MGMT: variants seen among roughly 807,000 people sequenced by gnomAD.
MGMT encodes methylated-DNA--protein-cysteine methyltransferase.
In MGMT, 14 loss-of-function variants were observed where a neutral mutation model predicts 15.9. The observed-to-expected ratio is 0.88, with a 90% CI of 0.58 to 1.37. The LOEUF is 1.37. Among genes scored for constraint, MGMT ranks in the 40% most tolerant of loss-of-function variants. MGMT has a pLI of 0.00. For synonymous variants in MGMT, 130 were observed against 118.2 expected, an observed-to-expected ratio of 1.10 and a Z score of -0.65; for missense variants, 282 against 268.1, an observed-to-expected ratio of 1.05 and a Z score of -0.36.
At chr10:129,476,069 C>T (rs1246963783) in intron 1 of MGMT, among the ~76,000 whole-genome samples, 1 of 152,212 alleles carries the variant, frequency 6.6e-6, no homozygotes, top group African/African-American at 2.4e-5. Context: ...TCCTCCTGGA[C>T]ATCACTGCTG....
chr10:129,690,191 A>G (rs1847953997), intron 2 of MGMT, among the ~76,000 whole-genome samples: 1 of 152,238 alleles, frequency 6.6e-6, no homozygotes, highest in Non-Finnish European at 1.5e-5. Flanking sequence ...ATTTACTTCC[A>G]TGTGTCTTAA....
At chr10:129,613,103 G>A (rs945850102) in intron 2 of MGMT, among the ~76,000 whole-genome samples, 1 of 152,190 alleles carries the variant, frequency 6.6e-6, no homozygotes, top group African/African-American at 2.4e-5. Context: ...GCTCCAAGCT[G>A]TATTGGAATA....
chr10:129,642,614 G>C (rs1277583324), intron 2 of MGMT, among the ~76,000 whole-genome samples: 3 of 152,170 alleles, frequency 2.0e-5, no homozygotes, highest in African/African-American at 4.8e-5. Context: ...GGCACCCTTT[G>C]CCATTGCATT....
At chr10:129,701,954 A>T (rs888895106) in intron 2 of MGMT, 2 of 152,174 alleles carry the variant, frequency 1.3e-5, no homozygotes, top group Non-Finnish European at 2.9e-5. Context: ...CTGTGCTCAT[A>T]TGAGTTTGTG....
intron 1 of MGMT, among the ~76,000 whole-genome samples, chr10:129,468,121 T>G (rs1480590784): frequency 6.6e-6 from 1 of 152,168 alleles, no homozygotes. Context: ...AGACTGGTTA[T>G]TTACATAGAC....
intron 1 of MGMT, 84 bp downstream of exon 1, chr10:129,467,380 C>T (rs925313484): frequency 6.4e-6 from 9 of 1,396,050 alleles, no homozygotes; most frequent in African/African-American, 6.0e-5. Flanking sequence ...CCTGCAGGCG[C>T]CCTCACTTCG....
chr10:129,604,460 A>G (rs531386075), intron 2 of MGMT, among the ~76,000 whole-genome samples: 16 of 152,366 alleles, frequency 1.1e-4, no homozygotes, highest in African/African-American at 3.8e-4. Flanking sequence ...CAGAATCAGC[A>G]GTCGTGAAAA....
intron 1 of MGMT, among the ~76,000 whole-genome samples, chr10:129,473,235 C>T (rs1369180840): frequency 6.6e-6 from 1 of 152,226 alleles, no homozygotes; most frequent in Non-Finnish European, 1.5e-5. Flanking sequence ...AGGGGTAACG[C>T]AGGTCCGCTG....
chr10:129,555,240 G>A (rs988848844), intron 2 of MGMT, among the ~76,000 whole-genome samples: 1 of 152,166 alleles, frequency 6.6e-6, no homozygotes, highest in Non-Finnish European at 1.5e-5. Flanking sequence ...GCACTCCCAG[G>A]CTTGCTTCAG....
rs373133590 is a variant in MGMT at position 129,493,722 on chromosome 10, C to A, written c.-13+26426C>A. Among the ~76,000 whole-genome samples, 394 of 152,242 alleles carry A rather than the reference C, an allele frequency of 2.6e-3. 1 individual carries two copies. Among genetic ancestry groups the A allele is most frequent in the African/African-American group, 9.1e-3 (377 of 41,548 alleles). Reference sequence around the variant, plus strand: ...CAGTGTGGGATCTGGGGGAGGTTGTCAAAGTTGTCTTCTAATCCAGAACAA... The same window carrying A: ...CAGTGTGGGATCTGGGGGAGGTTGTAAAAGTTGTCTTCTAATCCAGAACAA... On this transcript the variant is annotated intron_variant, in intron 1 of 4. Coordinates refer to ENST00000651593, the MANE Select transcript of MGMT (RefSeq NM_002412.5).
At position 129,747,302 on chromosome 10, in the gene MGMT, T is replaced by G. The variant is rs558187405; in HGVS notation, c.275-11900T>G. Among the ~76,000 whole-genome samples the G allele has an allele frequency of 1.1e-4, 17 of 152,270 alleles. 1 individual carries two copies. Among genetic ancestry groups the G allele is most frequent in the African/African-American group, 3.9e-4 (16 of 41,548 alleles). On this transcript the variant is annotated intron_variant, in intron 3 of 4. Coordinates refer to ENST00000651593, the MANE Select transcript of MGMT (RefSeq NM_002412.5). ...TCCTCATCTTGCTTTTTTTGCACAG[T>G]TAGGTATGATGTTAACTGTGGGTTT...
intron 2 of MGMT, among the ~76,000 whole-genome samples, chr10:129,640,188 C>T (rs1326033182): frequency 6.6e-6 from 1 of 151,530 alleles, no homozygotes; most frequent in Non-Finnish European, 1.5e-5. Context: ...TCCTTCTCCT[C>T]CCGGGTTCAA....
At chr10:129,657,024 CTG>C (rs1199548409) in intron 2 of MGMT, among the ~76,000 whole-genome samples, 5 of 152,154 alleles carry the variant, frequency 3.3e-5, no homozygotes, top group African/African-American at 1.2e-4. Flanking sequence ...GCCACAATGA[CTG>C]TGAGTTAGGT....
chr10:129,722,743 C>A (rs559750461), intron 3 of MGMT, among the ~76,000 whole-genome samples: 115 of 152,202 alleles, frequency 7.6e-4, no homozygotes, highest in Non-Finnish European at 8.1e-4. Flanking sequence ...TGGTGGCTTA[C>A]GCCTGTAACC....
rs1400532710 is a variant in MGMT at position 129,768,977 on chromosome 10, G to A, written c.*1980G>A. ...CTCTCATCAGGCACAGGCTCTGAGGGAGGGTCCTGGGGCCACATGACTGCA... is the reference window on the plus strand; with the variant it reads ...CTCTCATCAGGCACAGGCTCTGAGGAAGGGTCCTGGGGCCACATGACTGCA... On this transcript the variant is annotated 3_prime_UTR_variant, in exon 5 of 5. Coordinates refer to ENST00000651593, the MANE Select transcript of MGMT (RefSeq NM_002412.5). 6.6e-6 allele frequency: 1 copy of A among 152,338 alleles called. No individual in the cohort carries two copies. Among genetic ancestry groups the A allele is most frequent in the Non-Finnish European group, 1.5e-5 (1 of 68,112 alleles). 9.4% of individuals were successfully genotyped at this position (152,338 alleles called of 1,614,324 possible).
chr10:129,579,797 T>A (rs75077892), intron 2 of MGMT, among the ~76,000 whole-genome samples: 4,946 of 152,336 alleles, frequency 0.032, 128 homozygotes, highest in South Asian at 0.064. Context: ...ACATCAGCTC[T>A]CATGTTAACT....
At chr10:129,482,879 C>A (rs1167831612) in intron 1 of MGMT, among the ~76,000 whole-genome samples, 3 of 152,124 alleles carry the variant, frequency 2.0e-5, no homozygotes, top group Admixed American at 6.6e-5. Context: ...AGTATTTAGA[C>A]CATTTACATT....
At chr10:129,503,067 A>G (rs1027384690) in intron 1 of MGMT, among the ~76,000 whole-genome samples, 2 of 152,136 alleles carry the variant, frequency 1.3e-5, no homozygotes, top group Non-Finnish European at 2.9e-5. Flanking sequence ...CTTACAGTTT[A>G]AAAGGGAGAG....
chr10:129,759,106 G>A, intron 3 of MGMT, 96 bp from the exon 4 acceptor site: 1 of 1,447,568 alleles, frequency 6.9e-7, no homozygotes, highest in Admixed American at 1.7e-5. Context: ...CTCTATTTGT[G>A]TAGATGCGTT....
Sources: allele counts gnomAD v4.1 joint callset (sites outside exome capture counted in the v4.1 genomes callset), GRCh38; gene constraint gnomAD v4.1.1; transcripts MANE v1.5; gene names NCBI Gene and HGNC (gene_info 2026-07-23, HGNC 2026-07-21).